Variants in SPOPL observed in about 807,000 individuals in gnomAD.
The protein encoded by SPOPL is speckle type BTB/POZ protein like.
SPOPL carries 23 observed loss-of-function variants against 53.8 expected under a neutral mutation model. The ratio of observed to expected loss-of-function variants is 0.43; its 90% confidence interval spans 0.31 to 0.61. The LOEUF (loss-of-function observed/expected upper bound fraction) is 0.61, where lower values mean the gene tolerates loss of function less well. SPOPL is among the 20% of genes least tolerant of loss of function. The probability of loss-of-function intolerance (pLI) is 0.12; values close to 1 mark genes in which losing one functional copy is unlikely to be tolerated. For synonymous variants in SPOPL, 164 were observed against 149.7 expected (o/e 1.10, Z -0.70); for missense variants, 442 against 466.9 (o/e 0.95, Z 0.49).
intron 1 of SPOPL, among the ~76,000 whole-genome samples, chr2:138,505,807 C>T (rs958955503): frequency 6.6e-6 from 1 of 151,912 alleles, no homozygotes; most frequent in Non-Finnish European, 1.5e-5. Context: ...ACCATTACTG[C>T]TACAAAGGAA....
intron 1 of SPOPL, among the ~76,000 whole-genome samples, chr2:138,506,036 G>A (rs1258547330): frequency 6.6e-6 from 1 of 152,130 alleles, no homozygotes; most frequent in Non-Finnish European, 1.5e-5. Flanking sequence ...CAAAATCCAC[G>A]CTAAGCATTT....
At chr2:138,504,040 T>C (rs1242591682) in intron 1 of SPOPL, among the ~76,000 whole-genome samples, 5 of 152,246 alleles carry the variant, frequency 3.3e-5, no homozygotes, top group Non-Finnish European at 4.4e-5. Flanking sequence ...TGCTTACTTA[T>C]TACATTTTTA....
At chr2:138,533,108 T>C (rs1379313225) in intron 1 of SPOPL, among the ~76,000 whole-genome samples, 1 of 152,196 alleles carries the variant, frequency 6.6e-6, no homozygotes, top group Non-Finnish European at 1.5e-5. Flanking sequence ...TGTGTATATG[T>C]ATAAAATTTC....
At chr2:138,534,631 A>G (rs1273686851) in intron 1 of SPOPL, among the ~76,000 whole-genome samples, 4 of 152,120 alleles carry the variant, frequency 2.6e-5, no homozygotes, top group African/African-American at 9.7e-5. Context: ...AAAATCTATC[A>G]TTTTTACTTT....
At chr2:138,516,676 G>A (rs538938394) in intron 1 of SPOPL, among the ~76,000 whole-genome samples, 39 of 152,296 alleles carry the variant, frequency 2.6e-4, no homozygotes, top group African/African-American at 9.4e-4. Context: ...GTGAGCCCAT[G>A]ATAGCCAGGG....
chr2:138,530,962 CTT>C (rs1267576418), intron 1 of SPOPL, among the ~76,000 whole-genome samples: 1 of 143,090 alleles, frequency 7.0e-6, no homozygotes, highest in Non-Finnish European at 1.6e-5. Context: ...TTTTAAGACA[CTT>C]TTAAAATTAA....
intron 1 of SPOPL, among the ~76,000 whole-genome samples, chr2:138,541,610 G>A (rs1006514194): frequency 5.5e-4 from 83 of 152,110 alleles, no homozygotes; most frequent in African/African-American, 1.9e-3. Flanking sequence ...TTTTTATTGT[G>A]TCTATTTGAT....
intron 1 of SPOPL, among the ~76,000 whole-genome samples, chr2:138,502,696 T>C (rs1684132468): frequency 6.6e-6 from 1 of 152,178 alleles, no homozygotes; most frequent in Non-Finnish European, 1.5e-5. Context: ...ACATTTTTGC[T>C]CACTTATACC....
rs960678789 is a variant in SPOPL, at chr2:138,502,022, C to T, written c.-158C>T. ...GACTTGCCGCCATCACCCCTGCTGC[C>T]ACCACCGCAGCCTCGGGCTCCCAGG... On this transcript the variant is annotated 5_prime_UTR_variant, in exon 1 of 11. Coordinates refer to ENST00000280098, the MANE Select transcript of SPOPL (RefSeq NM_001001664.3). 2.6e-5 allele frequency: 4 copies of T among 152,954 alleles called. No individual in the cohort carries two copies. Among genetic ancestry groups the T allele is most frequent in the African/African-American group, 7.2e-5 (3 of 41,462 alleles). 9.5% of individuals were successfully genotyped at this position (152,954 alleles called of 1,614,324 possible).
At chr2:138,524,224 G>GT (rs1326279961) in intron 1 of SPOPL, among the ~76,000 whole-genome samples, 2 of 152,222 alleles carry the variant, frequency 1.3e-5, no homozygotes, top group East Asian at 3.9e-4. Flanking sequence ...CACAGCCTGA[G>GT]CTGTACCTTG....
Position 138,546,096 on chromosome 2 carries a change from A to G in SPOPL, c.-60-4061A>G, listed in dbSNP as rs115305922. Among the ~76,000 whole-genome samples the G allele has an allele frequency of 7.2e-3, 1,093 of 152,310 alleles. 14 individuals are homozygous for G. Among genetic ancestry groups the G allele is most frequent in the African/African-American group, 0.024 (1,012 of 41,570 alleles). Reference sequence around the variant, plus strand: ...TGTTTTCTGAATATTTGAGATTTTTATATAAAATTAGATAGTTGTGTGTGT... The same window carrying G: ...TGTTTTCTGAATATTTGAGATTTTTGTATAAAATTAGATAGTTGTGTGTGT... On this transcript the variant is annotated intron_variant, in intron 1 of 10. Transcript: ENST00000280098.
intron 1 of SPOPL, among the ~76,000 whole-genome samples, chr2:138,527,242 A>G (rs1042687412): frequency 6.6e-6 from 1 of 152,068 alleles, no homozygotes; most frequent in African/African-American, 2.4e-5. Flanking sequence ...AGGCCTGTCT[A>G]TGAACTTGTG....
At chr2:138,532,029 C>T (rs1416917741) in intron 1 of SPOPL, among the ~76,000 whole-genome samples, 1 of 152,172 alleles carries the variant, frequency 6.6e-6, no homozygotes, top group African/African-American at 2.4e-5. Context: ...TGTCTTCATA[C>T]AGTCTAGTTT....
At chr2:138,557,148 T>G (rs1027215381) in intron 5 of SPOPL, among the ~76,000 whole-genome samples, 1 of 151,508 alleles carries the variant, frequency 6.6e-6, no homozygotes, top group African/African-American at 2.4e-5. Context: ...AGAGCAAGAC[T>G]CCGTCTCAAA....
intron 1 of SPOPL, among the ~76,000 whole-genome samples, chr2:138,544,099 G>A (rs1685135344): frequency 6.6e-6 from 1 of 152,164 alleles, no homozygotes; most frequent in African/African-American, 2.4e-5. Context: ...TGGAAGTTTT[G>A]TCTCAGAGGA....
chr2:138,508,665 C>G (rs1013260715), intron 1 of SPOPL, among the ~76,000 whole-genome samples: 2 of 152,128 alleles, frequency 1.3e-5, no homozygotes, highest in African/African-American at 4.8e-5. Context: ...ATGAAAAGTT[C>G]TAGAAGACAT....
intron 10 of SPOPL, among the ~76,000 whole-genome samples, chr2:138,565,495 A>G (rs1210547860): frequency 6.6e-6 from 1 of 152,152 alleles, no homozygotes; most frequent in East Asian, 1.9e-4. Flanking sequence ...TGAACCTGTA[A>G]GGGGTTGGAT....
At chr2:138,513,604 G>A (rs971820415) in intron 1 of SPOPL, among the ~76,000 whole-genome samples, 2 of 151,932 alleles carry the variant, frequency 1.3e-5, no homozygotes, top group African/African-American at 4.8e-5. Context: ...TGTTGGTGTT[G>A]TGGTGCACGC....
At chr2:138,533,617 T>C (rs775892724) in intron 1 of SPOPL, among the ~76,000 whole-genome samples, 15 of 152,128 alleles carry the variant, frequency 9.9e-5, no homozygotes, top group Non-Finnish European at 1.6e-4. Flanking sequence ...ATCACCTTTA[T>C]AAACACTTAT....
Sources: allele counts gnomAD v4.1 joint callset (sites outside exome capture counted in the v4.1 genomes callset), GRCh38; gene constraint gnomAD v4.1.1; transcripts MANE v1.5; gene names NCBI Gene and HGNC (gene_info 2026-07-23, HGNC 2026-07-21).